Variants in USP53 observed in about 807,000 individuals in gnomAD.
USP53 encodes the protein ubiquitin carboxyl-terminal hydrolase 53.
USP53 carries 71 observed loss-of-function variants against 94.9 expected under a neutral mutation model. The observed-to-expected ratio is 0.75, with a 90% confidence interval of 0.62 to 0.91. USP53 has a LOEUF of 0.91. Among genes scored for constraint, USP53 ranks in the 40% least tolerant of loss-of-function variants. The probability of loss-of-function intolerance (pLI) is 0.00; values close to 1 mark genes in which losing one functional copy is unlikely to be tolerated. For synonymous variants in USP53, 375 were observed against 422.7 expected, an observed-to-expected ratio of 0.89 and a Z score of 1.39; for missense variants, 1,173 against 1,281.0, an observed-to-expected ratio of 0.92 and a Z score of 1.29.
At chr4:119,240,001 T>C (rs79063845) in intron 5 of USP53, 98 bp downstream of exon 5, 40,790 of 1,174,238 alleles carry the variant, frequency 0.035, 799 homozygotes, top group South Asian at 0.074. Context: ...AAAGTTACTA[T>C]AGACTAGAAT....
At chr4:119,290,421 A>T (rs911075967) in intron 17 of USP53, among the ~76,000 whole-genome samples, 3 of 152,216 alleles carry the variant, frequency 2.0e-5, no homozygotes, top group African/African-American at 4.8e-5. Context: ...CATGGTTAAG[A>T]GCACGGACTT....
intron 5 of USP53, among the ~76,000 whole-genome samples, chr4:119,244,968 T>C (rs1578461505): frequency 6.6e-6 from 1 of 152,206 alleles, no homozygotes; most frequent in African/African-American, 2.4e-5. Flanking sequence ...AATTTCAGTT[T>C]GTTCCAAGTA....
intron 3 of USP53, chr4:119,221,024 T>C (rs1038656846): frequency 3.3e-5 from 5 of 152,122 alleles, no homozygotes; most frequent in Non-Finnish European, 7.3e-5. Flanking sequence ...TAATCAGATA[T>C]GAGGATGATC....
chr4:119,261,471 T>G (rs1750511847), intron 11 of USP53, among the ~76,000 whole-genome samples: 1 of 152,246 alleles, frequency 6.6e-6, no homozygotes, highest in Non-Finnish European at 1.5e-5. Flanking sequence ...AGATACTCTA[T>G]TATTGCTAAA....
intron 3 of USP53, among the ~76,000 whole-genome samples, chr4:119,224,874 C>T (rs1245497324): frequency 1.3e-5 from 2 of 151,984 alleles, no homozygotes; most frequent in Non-Finnish European, 2.9e-5. Flanking sequence ...AAGAAGAAAG[C>T]TCTAAGCTTT....
At chr4:119,247,464 A>AGCTTT (rs1748404180) in intron 6 of USP53, among the ~76,000 whole-genome samples, 1 of 152,156 alleles carries the variant, frequency 6.6e-6, no homozygotes, top group African/African-American at 2.4e-5. Context: ...CCCTAGGTAA[A>AGCTTT]AGGTAAGCTG....
chr4:119,273,605 G>A (rs766951754), intron 16 of USP53, 27 bp from the exon 17 acceptor site: 84 of 1,574,616 alleles, frequency 5.3e-5, no homozygotes, highest in Non-Finnish European at 6.8e-5. Context: ...AATACCTGAT[G>A]TGTTTAGTGT....
At chr4:119,243,793 A>G (rs1210944194) in intron 5 of USP53, among the ~76,000 whole-genome samples, 1 of 152,218 alleles carries the variant, frequency 6.6e-6, no homozygotes, top group Admixed American at 6.5e-5. Flanking sequence ...TACCTAATGC[A>G]AAAACAGTAC....
chr4:119,254,301 A>G (rs1749458872), intron 7 of USP53, among the ~76,000 whole-genome samples: 1 of 152,216 alleles, frequency 6.6e-6, no homozygotes, highest in Non-Finnish European at 1.5e-5. Context: ...CCTGGATAAT[A>G]TCCTGCAGAG....
rs1330571178 is a variant in USP53, at chr4:119,267,386, T to A, written c.1039T>A (p.Phe347Ile). The A allele has an allele frequency of 1.2e-6, 2 of 1,614,140 alleles. No homozygotes were observed. The change falls in exon 13 of 19, where the codon TTT (phenylalanine) becomes ATT (isoleucine). Residue 347 changes from phenylalanine (F) to isoleucine (I), a missense_variant. Phe to Ile is a conservative substitution (Grantham distance 21). Transcript: ENST00000692078. ...ATGCCACTTTCAGCCACTACTTTTG[T>A]TTTATGCAAACCCAGATGGCACAGC... The part of the protein sequence containing the change: ...IRCHFQPLLL[F>I]YANPDGTAVS...
At chr4:119,241,775 T>C (rs754484801) in intron 5 of USP53, among the ~76,000 whole-genome samples, 1 of 152,126 alleles carries the variant, frequency 6.6e-6, no homozygotes, top group Non-Finnish European at 1.5e-5. Context: ...GGAAACACTT[T>C]GTTATTTCTT....
rs1745723556 is a variant in USP53, at chr4:119,229,186, T to TA, written c.-664-6103dup. Among the ~76,000 whole-genome samples the TA allele has an allele frequency of 4.6e-5, 7 of 152,372 alleles. No individual in the cohort carries two copies. The South Asian group carries it at 1.2e-3, about 27-fold the overall frequency. On this transcript the variant is annotated intron_variant, in intron 3 of 18. Transcript: ENST00000692078. ...ATCTGTTGTCATCCATCCAGCCATC[T>TA]ATATATGGTGCTATTATGTGAAATA...
chr4:119,282,358 G>A (rs574351729), intron 17 of USP53, among the ~76,000 whole-genome samples: 1 of 152,108 alleles, frequency 6.6e-6, no homozygotes, highest in Non-Finnish European at 1.5e-5. Flanking sequence ...GGGTCCTGTG[G>A]TGGTTATATG....
chr4:119,223,396 A>G (rs1382559015), intron 3 of USP53, among the ~76,000 whole-genome samples: 3 of 152,206 alleles, frequency 2.0e-5, no homozygotes, highest in African/African-American at 7.2e-5. Flanking sequence ...TGGAAGTGGC[A>G]GATCTGTAAA....
chr4:119,253,785 TGTTA>T (rs199891501), intron 7 of USP53, among the ~76,000 whole-genome samples: 2,177 of 152,260 alleles, frequency 0.014, 39 homozygotes, highest in African/African-American at 0.049. Context: ...TTAATTTGCC[TGTTA>T]GTTGATGCAG....
Position 119,245,394 on chromosome 4 carries a change from T to C in USP53, c.202T>C (p.Cys68Arg). ...RSLRVLTGHV[C>R]QGDACIFCAL... is the part of the protein sequence containing the mutation. ...CTTGCGGGTTTTGACTGGACATGTT[T>C]GTCAGGGAGATGCCTGTATATTTTG... The change falls in exon 6 of 19, where the codon TGT becomes CGT. Residue 68 changes from cysteine (C) to arginine (R), a missense_variant. Cys to Arg is a radical substitution (Grantham distance 180). Transcript: ENST00000692078. 6.2e-7 allele frequency: 1 copy of C among 1,613,952 alleles called. No homozygotes were observed.
intron 17 of USP53, among the ~76,000 whole-genome samples, chr4:119,290,542 T>A (rs919268640): frequency 1.3e-5 from 2 of 152,218 alleles, no homozygotes; most frequent in Admixed American, 6.5e-5. Context: ...TTTATAAGGT[T>A]ATTGTAAAGA....
Position 119,239,548 on chromosome 4 carries a change from G to T in USP53, c.-212G>T. 3 of 498,040 alleles carry T rather than the reference G, an allele frequency of 6.0e-6. No individual in the cohort carries two copies. Among genetic ancestry groups the T allele is most frequent in the East Asian group, 3.1e-5 (1 of 31,974 alleles). The allele number at this position is 498,040 out of a possible 1,614,324, so 30.9% of individuals were successfully genotyped here. A position where few individuals can be genotyped will look rare whatever the true frequency, so the allele number is the denominator to read the frequency against. ...GTTTAAAATAGCTTTCTTTTTTAGT[G>T]CTTAGAACTTCAATGTTTATGCACC... is the stretch of plus-strand genomic sequence containing the variant. On this transcript the variant is annotated 5_prime_UTR_variant, in exon 5 of 19. Transcript: ENST00000692078.
chr4:119,234,927 T>G (rs2149310887), intron 3 of USP53, among the ~76,000 whole-genome samples: 1 of 152,318 alleles, frequency 6.6e-6, no homozygotes, highest in Admixed American at 6.5e-5. Context: ...GGTTCTTGAA[T>G]CCACAGATGC....
Sources: gnomAD v4.1 joint callset for allele counts (sites outside exome capture counted in the v4.1 genomes callset) on GRCh38, gnomAD v4.1.1 for gene constraint, MANE v1.5 for transcripts, NCBI Gene and HGNC (gene_info 2026-07-23, HGNC 2026-07-21) for gene names.